MYO1B: variants seen among roughly 807,000 people sequenced by gnomAD.
MYO1B encodes the protein unconventional myosin-Ib.
Under a neutral mutation model 159.7 loss-of-function variants are expected in MYO1B, and 72 were observed. The observed-to-expected ratio is 0.45, with a 90% CI of 0.37 to 0.55. The LOEUF (loss-of-function observed/expected upper bound fraction) is 0.55. Among genes scored for constraint, MYO1B ranks in the 20% least tolerant of loss-of-function variants. The pLI is 0.00. For synonymous variants in MYO1B, 468 were observed against 473.8 expected (o/e 0.99, Z 0.16); for missense variants, 1,062 against 1,364.8 (o/e 0.78, Z 3.50).
chr2:191,378,886 A>G (rs1275964714), intron 13 of MYO1B, among the ~76,000 whole-genome samples: 1 of 152,162 alleles, frequency 6.6e-6, no homozygotes, highest in Non-Finnish European at 1.5e-5. Flanking sequence ...CATTTGTCAT[A>G]TAGAATTACT....
At chr2:191,323,259 G>A (rs1403758305) in intron 3 of MYO1B, among the ~76,000 whole-genome samples, 1 of 152,026 alleles carries the variant, frequency 6.6e-6, no homozygotes, top group Non-Finnish European at 1.5e-5. Context: ...TATCAGCAGG[G>A]TCTTTATGAC....
chr2:191,411,481 T>C (rs1251775097), intron 27 of MYO1B, among the ~76,000 whole-genome samples: 1 of 152,220 alleles, frequency 6.6e-6, no homozygotes, highest in Non-Finnish European at 1.5e-5. Flanking sequence ...GCATTGTAAA[T>C]TCCTGTTCCT....
At chr2:191,344,775 A>C (rs1348162148) in intron 5 of MYO1B, among the ~76,000 whole-genome samples, 4 of 138,578 alleles carry the variant, frequency 2.9e-5, no homozygotes, top group African/African-American at 1.1e-4. Context: ...GCTTGCAGTG[A>C]GCCGAGATCC....
intron 13 of MYO1B, among the ~76,000 whole-genome samples, chr2:191,372,701 G>C (rs1025001501): frequency 2.6e-5 from 4 of 151,954 alleles, no homozygotes; most frequent in African/African-American, 9.7e-5. Flanking sequence ...CTTGATGCTG[G>C]GTGAAATACC....
rs565806062 is a variant in MYO1B, at chr2:191,270,719, C to A, written c.-9-6168C>A. 2.0e-5 allele frequency among the ~76,000 whole-genome samples: 3 copies of A among 152,286 alleles called. No individual in the cohort carries two copies. The East Asian group carries it at 5.8e-4, about 29-fold the overall frequency. On this transcript the variant is annotated intron_variant, in intron 1 of 30. Transcript: ENST00000392318. ...GCCTTTGTTTTGCCATCAGGATTTG[C>A]TGAGAGTTACTGTGTTCATGAAATC... is the stretch of plus-strand genomic sequence containing the variant.
At chr2:191,281,590 G>A (rs1270192090) in intron 2 of MYO1B, among the ~76,000 whole-genome samples, 5 of 152,228 alleles carry the variant, frequency 3.3e-5, no homozygotes, top group Admixed American at 3.3e-4. Context: ...GATGGTAGCA[G>A]GATTTCATGT....
chr2:191,400,558 A>G (rs893801474), intron 22 of MYO1B, 90 bp downstream of exon 22: 7 of 1,479,236 alleles, frequency 4.7e-6, no homozygotes, highest in African/African-American at 1.4e-5. Context: ...AAAATGTTTC[A>G]CTGGCTTGAG....
At chr2:191,281,489 C>G (rs1472066836) in intron 2 of MYO1B, among the ~76,000 whole-genome samples, 1 of 152,194 alleles carries the variant, frequency 6.6e-6, no homozygotes, top group East Asian at 1.9e-4. Context: ...AAATGCTGGT[C>G]GTGACGTTCC....
intron 1 of MYO1B, among the ~76,000 whole-genome samples, chr2:191,271,286 A>G (rs905255850): frequency 6.6e-6 from 1 of 152,228 alleles, no homozygotes; most frequent in African/African-American, 2.4e-5. Context: ...GTTATAATAT[A>G]TGTGTTTTAA....
chr2:191,303,320 T>A lies in MYO1B; in HGVS notation c.251+7094T>A, dbSNP rs748717811. 2.6e-4 allele frequency among the ~76,000 whole-genome samples: 40 copies of A among 152,170 alleles called. 1 individual carries two copies. The highest frequency in any genetic ancestry group is 4.7e-4 in the Non-Finnish European group (32 of 68,028). On this transcript the variant is annotated intron_variant, in intron 3 of 30. Transcript: ENST00000392318. ...ATGTGAAAGTGCTTTCTGAAGGGTG[T>A]GTGTGCGTGTGTGTGTTGATGTGAT...
At chr2:191,359,307 T>C (rs1693506728) in intron 7 of MYO1B, among the ~76,000 whole-genome samples, 1 of 74,494 alleles carries the variant, frequency 1.3e-5, no homozygotes, top group African/African-American at 5.4e-5. Flanking sequence ...TTTTCAACCT[T>C]TGGGGTTTTT....
At chr2:191,356,337 C>CTTTTTTTTTTTTTT (rs79525897) in intron 7 of MYO1B, among the ~76,000 whole-genome samples, 6 of 106,454 alleles carry the variant, frequency 5.6e-5, no homozygotes, top group East Asian at 2.8e-4. Context: ...GGCTGGGCTT[C>CTTTTTTTTTTTTTT]TTTTTTTTTT....
chr2:191,341,402 C>G, intron 4 of MYO1B, 59 bp from the exon 5 acceptor site: 1 of 1,461,424 alleles, frequency 6.8e-7, no homozygotes, highest in Non-Finnish European at 9.5e-7. Flanking sequence ...TTCCTCCTCC[C>G]CAAAAAGATT....
chr2:191,248,222 A>G (rs1685903787), intron 1 of MYO1B, among the ~76,000 whole-genome samples: 1 of 152,230 alleles, frequency 6.6e-6, no homozygotes, highest in Admixed American at 6.5e-5. Context: ...ACATTACTAT[A>G]TTCATCATCA....
intron 3 of MYO1B, among the ~76,000 whole-genome samples, chr2:191,316,785 T>C (rs891035284): frequency 1.3e-5 from 2 of 152,140 alleles, no homozygotes; most frequent in African/African-American, 2.4e-5. Flanking sequence ...ACTGAGTTGA[T>C]TGGATGTGAC....
At chr2:191,310,761 G>A (rs1689953522) in intron 3 of MYO1B, among the ~76,000 whole-genome samples, 1 of 152,154 alleles carries the variant, frequency 6.6e-6, no homozygotes, top group Non-Finnish European at 1.5e-5. Flanking sequence ...ACTTAAAATT[G>A]CAAGCTATGT....
At chr2:191,272,288 TTAGA>T (rs927223351) in intron 1 of MYO1B, among the ~76,000 whole-genome samples, 7 of 152,184 alleles carry the variant, frequency 4.6e-5, no homozygotes, top group Non-Finnish European at 1.0e-4. Context: ...ATTGGTACCC[TTAGA>T]TAGAGAGACT....
At chr2:191,379,365 A>T (rs1694910253) in intron 13 of MYO1B, 1 of 152,658 alleles carries the variant, frequency 6.6e-6, no homozygotes, top group Non-Finnish European at 1.5e-5. Context: ...GTGGTTGTTG[A>T]ATAACCATGT....
chr2:191,423,373 G>C (rs894570359), intron 30 of MYO1B, among the ~76,000 whole-genome samples: 5 of 152,178 alleles, frequency 3.3e-5, no homozygotes, highest in African/African-American at 1.2e-4. Context: ...TGGTACGACT[G>C]TATAGGCCAG....
Sources: allele counts gnomAD v4.1 joint callset (sites outside exome capture counted in the v4.1 genomes callset), GRCh38; gene constraint gnomAD v4.1.1; transcripts MANE v1.5; gene names NCBI Gene and HGNC (gene_info 2026-07-23, HGNC 2026-07-21).